The following GRK5 variants were observed in gnomAD, a reference collection of about 807,000 sequenced individuals.
GRK5 encodes the protein G protein-coupled receptor kinase 5.
GRK5 carries 40 observed loss-of-function variants against 78.4 expected under a neutral mutation model. That is an observed-to-expected ratio of 0.51 (90% confidence interval 0.40 to 0.66). The LOEUF (loss-of-function observed/expected upper bound fraction) is 0.66. GRK5 is among the 30% of genes least tolerant of loss of function. The probability of loss-of-function intolerance (pLI) is 0.00; values close to 1 mark genes in which losing one functional copy is unlikely to be tolerated. For synonymous variants in GRK5, 289 were observed against 296.8 expected (o/e 0.97, Z 0.27); for missense variants, 598 against 759.9 (o/e 0.79, Z 2.50).
chr10:119,394,260 C>CCA (rs1851961677), intron 3 of GRK5, among the ~76,000 whole-genome samples: 1 of 4,986 alleles, frequency 2.0e-4, no homozygotes, highest in Non-Finnish European at 3.6e-4. Flanking sequence ...GTGGATGTAT[C>CCA]TGTGTGTGTG....
At chr10:119,303,291 A>G (rs1273393241) in intron 1 of GRK5, among the ~76,000 whole-genome samples, 1 of 152,218 alleles carries the variant, frequency 6.6e-6, no homozygotes, top group African/African-American at 2.4e-5. Flanking sequence ...GTAGTGGATG[A>G]GGTGTAGCAG....
intron 4 of GRK5, among the ~76,000 whole-genome samples, chr10:119,397,945 T>C (rs1313441577): frequency 1.3e-5 from 2 of 152,252 alleles, no homozygotes; most frequent in Non-Finnish European, 2.9e-5. Flanking sequence ...CATGCACTTC[T>C]CTTTCTGTGA....
At chr10:119,441,185 C>T (rs1448717942) in intron 10 of GRK5, among the ~76,000 whole-genome samples, 3 of 152,254 alleles carry the variant, frequency 2.0e-5, no homozygotes, top group Non-Finnish European at 4.4e-5. Context: ...AGAACCAAGC[C>T]CACGCTGCTC....
intron 1 of GRK5, among the ~76,000 whole-genome samples, chr10:119,236,241 A>T (rs1189924204): frequency 1.3e-5 from 2 of 151,910 alleles, no homozygotes; most frequent in Non-Finnish European, 2.9e-5. Context: ...TTTGAGACGG[A>T]GTCTCGCTGT....
At position 119,449,172 on chromosome 10, in the gene GRK5, C is replaced by T. The variant is rs550446295; in HGVS notation, c.1404+912C>T. ...AATTCCGTGTCCAATGGCTTTGCGTCGGTAGCTTACAGTAGATCTGGTGGT... is the reference window on the plus strand; with the variant it reads ...AATTCCGTGTCCAATGGCTTTGCGTTGGTAGCTTACAGTAGATCTGGTGGT... On this transcript the variant is annotated intron_variant, in intron 13 of 15. Coordinates refer to ENST00000392870, the MANE Select transcript of GRK5 (RefSeq NM_005308.3). Among the ~76,000 whole-genome samples the T allele has an allele frequency of 2.0e-4, 27 of 137,086 alleles. No individual in the cohort carries two copies. In the South Asian group the frequency reaches 5.7e-3, roughly 29 times the overall value. 89.9% of individuals were successfully genotyped at this position (137,086 alleles called of 152,430 possible). A position where few individuals can be genotyped will look rare whatever the true frequency, so the allele number is the denominator to read the frequency against.
intron 1 of GRK5, among the ~76,000 whole-genome samples, chr10:119,232,838 A>G (rs1347473704): frequency 1.3e-5 from 2 of 152,236 alleles, no homozygotes; most frequent in Non-Finnish European, 2.9e-5. Flanking sequence ...AGACTAATAC[A>G]CTAGCACAAA....
At chr10:119,254,129 CT>C (rs1849244446) in intron 1 of GRK5, among the ~76,000 whole-genome samples, 1 of 152,184 alleles carries the variant, frequency 6.6e-6, no homozygotes, top group African/African-American at 2.4e-5. Context: ...TAAAGTGGGA[CT>C]CTTGTAATTC....
chr10:119,306,332 C>T (rs1850271595), intron 1 of GRK5, among the ~76,000 whole-genome samples: 1 of 152,196 alleles, frequency 6.6e-6, no homozygotes, highest in South Asian at 2.1e-4. Flanking sequence ...GCCTGAACTG[C>T]ACACACCGAT....
Position 119,207,814 on chromosome 10 carries a change from C to A in GRK5, c.-104C>A. 1 of 1,127,600 alleles carries A rather than the reference C, an allele frequency of 8.9e-7. No individual in the cohort carries two copies. The highest frequency in any genetic ancestry group is 1.3e-6 in the Non-Finnish European group (1 of 799,736). 69.8% of individuals were successfully genotyped at this position (1,127,600 alleles called of 1,614,324 possible). ...CAAGGCGGGCTGCTGGCTCCCCCGG[C>A]TCCGGCAGCAGCGGCGGCAGCCCGA... On this transcript the variant is annotated 5_prime_UTR_variant, in exon 1 of 16. Coordinates refer to ENST00000392870, the MANE Select transcript of GRK5 (RefSeq NM_005308.3).
Position 119,452,859 on chromosome 10 carries a change from CG to C in GRK5, c.1542+54del, listed in dbSNP as rs1327836799. The C allele has an allele frequency of 1.3e-6, 2 of 1,561,524 alleles. No homozygotes were observed. Among genetic ancestry groups the C allele is most frequent in the Non-Finnish European group, 1.8e-6 (2 of 1,139,076 alleles). ...GGTCTGGGTGGGAGGGAGGGACTGA[CG>C]GGTGGAAGGAGGCGTCGGGAATATG... is the stretch of plus-strand genomic sequence containing the variant. On this transcript the variant is annotated intron_variant, in intron 14 of 15. Coordinates refer to ENST00000392870, the MANE Select transcript of GRK5 (RefSeq NM_005308.3). This position sits in a 1 kb window ranked among gnomAD's most constrained non-coding sequence, Gnocchi z 4.4.
intron 1 of GRK5, among the ~76,000 whole-genome samples, chr10:119,229,323 A>T (rs1376831208): frequency 6.6e-6 from 1 of 152,072 alleles, no homozygotes; most frequent in Non-Finnish European, 1.5e-5. Flanking sequence ...CCATTATTTT[A>T]TAATAAAATG....
Position 119,403,444 on chromosome 10 carries a change from C to T in GRK5, c.339+6672C>T, listed in dbSNP as rs568926237. ...CCTCCCAAAGTGCTAGGATTACAGA[C>T]GTGAGCCACCGCACCAGCCGACTGG... On this transcript the variant is annotated intron_variant, in intron 4 of 15. Coordinates refer to ENST00000392870, the MANE Select transcript of GRK5 (RefSeq NM_005308.3). Among the ~76,000 whole-genome samples the T allele has an allele frequency of 9.2e-5, 14 of 152,306 alleles. No homozygotes were observed. In the East Asian group the frequency reaches 2.3e-3, roughly 25 times the overall value.
At chr10:119,398,380 C>T (rs1279674959) in intron 4 of GRK5, among the ~76,000 whole-genome samples, 1 of 142,648 alleles carries the variant, frequency 7.0e-6, no homozygotes, top group African/African-American at 2.6e-5. Context: ...CACATGCCTC[C>T]GAGATGTCTC....
intron 4 of GRK5, among the ~76,000 whole-genome samples, chr10:119,407,165 C>T (rs541448469): frequency 3.9e-5 from 6 of 152,310 alleles, no homozygotes; most frequent in African/African-American, 1.4e-4. Flanking sequence ...TCCCCTTCCC[C>T]AGGCTCTGAC....
intron 2 of GRK5, among the ~76,000 whole-genome samples, chr10:119,352,150 T>C (rs1229144740): frequency 2.0e-5 from 3 of 152,178 alleles, no homozygotes; most frequent in Admixed American, 2.0e-4. Flanking sequence ...TTAAACACTT[T>C]TTCCTCATAT....
At chr10:119,442,224 G>T in intron 11 of GRK5, 136 bp downstream of exon 11, 1 of 758,642 alleles carries the variant, frequency 1.3e-6, no homozygotes, top group Non-Finnish European at 2.2e-6. Flanking sequence ...CACAGTCTCT[G>T]CAGGGCTGCT....
At chr10:119,295,565 AT>A (rs1850065342) in intron 1 of GRK5, among the ~76,000 whole-genome samples, 1 of 152,228 alleles carries the variant, frequency 6.6e-6, no homozygotes, top group African/African-American at 2.4e-5. Context: ...ATGCCTGTCA[AT>A]CAATGAGTAG....
At position 119,432,841 on chromosome 10, in the gene GRK5, C is replaced by T. The variant is rs146201304; in HGVS notation, c.738+1314C>T. ...ATCTCAGCACTTTGGGAGGTCGAGG[C>T]AGACAGATCACTTGAGATCAGGAGT... On this transcript the variant is annotated intron_variant, in intron 8 of 15. Coordinates refer to ENST00000392870, the MANE Select transcript of GRK5 (RefSeq NM_005308.3). Among the ~76,000 whole-genome samples, 51 of 152,332 alleles carry T rather than the reference C, an allele frequency of 3.3e-4. 1 individual carries two copies. In the East Asian group the frequency reaches 9.2e-3, roughly 28 times the overall value.
Position 119,448,274 on chromosome 10 carries a change from C to G in GRK5, c.1404+14C>G. 6.3e-7 allele frequency: 1 copy of G among 1,580,354 alleles called. No homozygotes were observed. The highest frequency in any genetic ancestry group is 8.6e-7 in the Non-Finnish European group (1 of 1,167,330). ...TTCGTTCCAGACGTGAGTAGCCTCC[C>G]CCAGCCCCCAGCAGCTCCCTTCACA... is the stretch of plus-strand genomic sequence containing the variant. On this transcript the variant is annotated intron_variant, in intron 13 of 15. Coordinates refer to ENST00000392870, the MANE Select transcript of GRK5 (RefSeq NM_005308.3).
Sources: gnomAD v4.1 joint callset for allele counts (sites outside exome capture counted in the v4.1 genomes callset) on GRCh38, gnomAD v4.1.1 for gene constraint, Gnocchi (gnomAD v3.1) non-coding constraint, MANE v1.5 for transcripts, NCBI Gene and HGNC (gene_info 2026-07-23, HGNC 2026-07-21) for gene names.